Variants in RSPH14 observed in about 807,000 individuals in gnomAD.
RSPH14 encodes radial spoke head 14 homolog.
A neutral mutation model predicts 26.7 loss-of-function variants in RSPH14; 20 were observed. That is an observed-to-expected ratio of 0.75 (90% CI 0.53 to 1.09). The LOEUF is 1.09. Among genes scored for constraint, RSPH14 ranks in the 50% least tolerant of loss-of-function variants. RSPH14 has a pLI of 0.00. For missense variants in RSPH14, 449 were observed against 457.2 expected (o/e 0.98, Z 0.16); for synonymous variants, 177 against 189.3 (o/e 0.93, Z 0.53).
At chr22:23,065,673 G>A (rs1233565411) in intron 4 of RSPH14, among the ~76,000 whole-genome samples, 1 of 152,068 alleles carries the variant, frequency 6.6e-6, no homozygotes, top group Non-Finnish European at 1.5e-5. Flanking sequence ...ACCTGGCAGG[G>A]GGTTGTGGAT....
At chr22:23,132,546 C>T (rs977759360) in intron 4 of RSPH14, among the ~76,000 whole-genome samples, 2 of 137,612 alleles carry the variant, frequency 1.5e-5, no homozygotes, top group Admixed American at 1.5e-4. Context: ...ACAGGACATC[C>T]CCTTTTAATC....
chr22:23,163,948 T>G, the RSPH14 span: 77,916 of 152,160 alleles, frequency 0.51, 20,124 homozygotes, highest in East Asian at 0.65. Context: ...ACCCTCCCCA[T>G]CCGCGGGCCA....
intron 4 of RSPH14, among the ~76,000 whole-genome samples, chr22:23,066,395 G>T (rs2068211614): frequency 6.6e-6 from 1 of 152,118 alleles, no homozygotes. Flanking sequence ...GGCCCAGAGA[G>T]GCAACTTGAA....
At position 23,122,811 on chromosome 22, in the gene RSPH14, T is replaced by G. The variant is rs374058953; in HGVS notation, c.421+11215A>C. 1,745 of 519,016 alleles carry G rather than the reference T, an allele frequency of 3.4e-3. 56 individuals are homozygous for G. In the South Asian group the frequency reaches 0.044, roughly 13 times the overall value. The allele number at this position is 519,016 out of a possible 1,614,324, so 32.2% of individuals were successfully genotyped here. A position where few individuals can be genotyped will look rare whatever the true frequency, so the allele number is the denominator to read the frequency against. On this transcript the variant is annotated intron_variant, in intron 4 of 6. Transcript: ENST00000216036. The stretch of plus-strand genomic sequence containing the variant: ...TGGCACATCTGTAGCCCCAAAGCTA[T>G]ATGTTGAGATCACTGGCACCCAGAG...
intron 4 of RSPH14, among the ~76,000 whole-genome samples, chr22:23,128,798 G>T (rs1220822494): frequency 6.6e-6 from 1 of 152,248 alleles, no homozygotes; most frequent in Non-Finnish European, 1.5e-5. Flanking sequence ...GTAGCAAGAA[G>T]ACAACCAGCA....
Position 23,131,469 on chromosome 22 carries a change from T to C in RSPH14, c.421+2557A>G, listed in dbSNP as rs1051771191. The C allele has an allele frequency of 2.1e-5, 10 of 475,198 alleles. No individual in the cohort carries two copies. In the Admixed American group the frequency reaches 2.9e-4, roughly 14 times the overall value. 29.4% of individuals were successfully genotyped at this position (475,198 alleles called of 1,614,324 possible). A position where few individuals can be genotyped will look rare whatever the true frequency, so the allele number is the denominator to read the frequency against. ...ACCTATGATTTCTTCAAATAAAAAT[T>C]TCAAGCAAGTATAAAATATGGATAT... On this transcript the variant is annotated intron_variant, in intron 4 of 6. Coordinates refer to ENST00000216036, the MANE Select transcript of RSPH14 (RefSeq NM_014433.3).
chr22:23,150,202 G>A, the RSPH14 span: 5 of 1,422,882 alleles, frequency 3.5e-6, no homozygotes, highest in Non-Finnish European at 3.9e-6. Flanking sequence ...AAGAAGGAAT[G>A]AGTGCATGAA....
At chr22:23,161,389 C>A in the RSPH14 span, 1 of 995,204 alleles carries the variant, frequency 1.0e-6, no homozygotes, top group Non-Finnish European at 1.5e-6. Flanking sequence ...CCTTGAACAG[C>A]AGGCCCAGAA....
intron 4 of RSPH14, among the ~76,000 whole-genome samples, chr22:23,079,538 G>A (rs184735242): frequency 7.9e-5 from 12 of 152,270 alleles, no homozygotes; most frequent in East Asian, 1.9e-4. Context: ...ACTTTGACTC[G>A]GGGTCTGCCC....
upstream of RSPH14, among the ~76,000 whole-genome samples, chr22:23,148,739 C>T (rs949070565): frequency 1.3e-5 from 2 of 152,340 alleles, no homozygotes; most frequent in East Asian, 3.9e-4. Flanking sequence ...TCAGCTCACA[C>T]TTCTTACCCT....
chr22:23,120,282 C>T (rs558717030), intron 4 of RSPH14, among the ~76,000 whole-genome samples: 90 of 152,262 alleles, frequency 5.9e-4, no homozygotes, highest in African/African-American at 2.0e-3. Context: ...CAGCTTGACT[C>T]ACCCCAGGAC....
chr22:23,060,888 G>A (rs1380555166), intron 6 of RSPH14, among the ~76,000 whole-genome samples: 1 of 152,130 alleles, frequency 6.6e-6, no homozygotes, highest in Non-Finnish European at 1.5e-5. Context: ...CTTGTGTCTC[G>A]AGCCCCGTGG....
intron 4 of RSPH14, among the ~76,000 whole-genome samples, chr22:23,073,085 C>T (rs1333805365): frequency 6.6e-6 from 1 of 152,250 alleles, no homozygotes; most frequent in African/African-American, 2.4e-5. Context: ...GCAAGGAAGG[C>T]AGCCCTGTGC....
chr22:23,106,816 C>A (rs375200948), intron 4 of RSPH14, among the ~76,000 whole-genome samples: 1 of 152,258 alleles, frequency 6.6e-6, no homozygotes, highest in Admixed American at 6.5e-5. Context: ...GAAAAGTTGT[C>A]CCTGTGGCAA....
chr22:23,079,246 G>A (rs1196894207), intron 4 of RSPH14, among the ~76,000 whole-genome samples: 3 of 152,246 alleles, frequency 2.0e-5, no homozygotes, highest in African/African-American at 7.2e-5. Context: ...GTGCGAATAT[G>A]GGGGTCATTT....
In RSPH14 at chr22:23,119,431, G is replaced by A. The variant is rs113131275; in HGVS notation, c.421+14595C>T. Among the ~76,000 whole-genome samples, 690 of 152,274 alleles carry A rather than the reference G, an allele frequency of 4.5e-3. 4 individuals are homozygous for A. The highest frequency in any genetic ancestry group is 8.0e-3 in the Non-Finnish European group (544 of 68,020). ...ACCGTCTGTGGTTCTTCAGCCTCCCGCTCTGTCTTGTCCCCCATCTCTGAG... is the reference window on the plus strand; with the variant it reads ...ACCGTCTGTGGTTCTTCAGCCTCCCACTCTGTCTTGTCCCCCATCTCTGAG... On this transcript the variant is annotated intron_variant, in intron 4 of 6. Transcript: ENST00000216036.
intron 4 of RSPH14, among the ~76,000 whole-genome samples, chr22:23,090,426 A>T (rs962802673): frequency 6.6e-6 from 1 of 152,106 alleles, no homozygotes; most frequent in Non-Finnish European, 1.5e-5. Flanking sequence ...GGATGTTTGC[A>T]TCCAGGAGCC....
chr22:23,092,646 C>T (rs2069015073), intron 4 of RSPH14, among the ~76,000 whole-genome samples: 3 of 152,202 alleles, frequency 2.0e-5, no homozygotes. Flanking sequence ...ACTGCATGAG[C>T]AGCCCTTAGC....
At chr22:23,077,029 A>AC (rs1368482251) in intron 4 of RSPH14, among the ~76,000 whole-genome samples, 1 of 152,228 alleles carries the variant, frequency 6.6e-6, no homozygotes, top group Non-Finnish European at 1.5e-5. Context: ...CGTCCAAAGC[A>AC]TGCTGTGCTG....
Sources: allele counts gnomAD v4.1 joint callset (sites outside exome capture counted in the v4.1 genomes callset), GRCh38; gene constraint gnomAD v4.1.1; transcripts MANE v1.5; gene names NCBI Gene and HGNC (gene_info 2026-07-23, HGNC 2026-07-21).